Variants in CDK13 observed in about 807,000 individuals in gnomAD.
The protein encoded by CDK13 is cyclin dependent kinase 13.
A neutral mutation model predicts 137.6 loss-of-function variants in CDK13; 40 were observed. The observed-to-expected ratio is 0.29, with a 90% CI of 0.23 to 0.38. The LOEUF is 0.38. Ranked by LOEUF, CDK13 falls within the 10% of genes least tolerant of loss-of-function variation. The probability of loss-of-function intolerance (pLI) is 1.00; values close to 1 mark genes in which losing one functional copy is unlikely to be tolerated. For missense variants in CDK13, 1,704 were observed against 1,951.8 expected, an observed-to-expected ratio of 0.87 and a Z score of 2.39; for synonymous variants, 869 against 760.1, an observed-to-expected ratio of 1.14 and a Z score of -2.36.
intron 5 of CDK13, among the ~76,000 whole-genome samples, chr7:40,029,507 G>T (rs1181499175): frequency 6.6e-6 from 1 of 151,494 alleles, no homozygotes; most frequent in Non-Finnish European, 1.5e-5. Flanking sequence ...GGATCACAAG[G>T]TCAAGAGATT....
At chr7:39,973,778 G>A (rs1421985177) in intron 1 of CDK13, among the ~76,000 whole-genome samples, 1 of 152,176 alleles carries the variant, frequency 6.6e-6, no homozygotes, top group African/African-American at 2.4e-5. Context: ...AAAGGAAGAG[G>A]TCTAGCTTCA....
rs1349469992 is a variant in CDK13, at chr7:40,093,030, C to T, written c.3481C>T (p.Pro1161Ser). ...TTCGAAACCGTTGGGAGGAATTCAG[C>T]CTTCTTCTCAGACCATCCAGCCTAA... The part of the protein sequence containing the change: ...ESSKPLGGIQ[P>S]SSQTIQPKVE... Residue 1161 changes from proline to serine, a missense_variant, in exon 13 of 14, where the codon CCT becomes TCT. This residue lies in a region of CDK13 where 475 missense variants were observed against 579.3 expected (regional missense o/e 0.82). Transcript: ENST00000181839. 1.2e-6 allele frequency: 2 copies of T among 1,614,056 alleles called. No individual in the cohort carries two copies. The highest frequency in any genetic ancestry group is 2.2e-5 in the East Asian group (1 of 44,898).
At chr7:40,047,952 A>C (rs2150517146) in intron 7 of CDK13, 75 bp downstream of exon 7, 1 of 907,652 alleles carries the variant, frequency 1.1e-6, no homozygotes, top group Non-Finnish European at 1.8e-6. Flanking sequence ...TACCTTATTG[A>C]TAGTTTTATT....
At position 40,097,316 on chromosome 7, in the gene CDK13, A is replaced by C. The variant is rs183793343; in HGVS notation, c.*2336A>C. The C allele has an allele frequency of 3.4e-3, 518 of 152,154 alleles. 5 individuals carry two copies. The highest frequency in any genetic ancestry group is 0.012 in the African/African-American group (489 of 41,526). The allele number at this position is 152,154 out of a possible 1,614,324, so 9.4% of individuals were successfully genotyped here. A position where few individuals can be genotyped will look rare whatever the true frequency, so the allele number is the denominator to read the frequency against. ...CTTTTATATGTCACTTAGAAGAAAA[A>C]ATGTTGCCAATTAAGCCACAATACA... On this transcript the variant is annotated 3_prime_UTR_variant, in exon 14 of 14. Transcript: ENST00000181839.
intron 4 of CDK13, 90 bp from the exon 5 acceptor site, chr7:40,001,771 A>G: frequency 6.0e-6 from 5 of 837,366 alleles, no homozygotes; most frequent in Non-Finnish European, 9.9e-6. Flanking sequence ...AGAAATAAGA[A>G]CAGAATTGAA....
chr7:39,964,222 G>C (rs991508101), intron 1 of CDK13, among the ~76,000 whole-genome samples: 2 of 152,172 alleles, frequency 1.3e-5, no homozygotes, highest in Admixed American at 6.5e-5. Flanking sequence ...ACCTCTGGTA[G>C]AATTCAGCTG....
chr7:40,006,081 T>A (rs1432542246), intron 5 of CDK13, among the ~76,000 whole-genome samples: 1 of 152,204 alleles, frequency 6.6e-6, no homozygotes, highest in Non-Finnish European at 1.5e-5. Context: ...GATTCTGAAA[T>A]TTCCTCCTAA....
rs185981789 is a variant in CDK13, at chr7:39,999,657, G to T, written c.2182+157G>T. Among the ~76,000 whole-genome samples the T allele has an allele frequency of 3.9e-4, 59 of 152,234 alleles. 1 individual carries two copies. The South Asian group carries it at 0.012, about 30-fold the overall frequency. ...TTTTTTTATTCTATATATGCATTTT[G>T]TAAGATATGAGTACATGTAAGTGGG... On this transcript the variant is annotated intron_variant, in intron 4 of 13. Transcript: ENST00000181839.
In CDK13 at chr7:39,950,786, C is replaced by A; in HGVS notation, c.145C>A (p.Leu49Met). The A allele has an allele frequency of 3.4e-6, 5 of 1,469,224 alleles. No homozygotes were observed. The highest frequency in any genetic ancestry group is 4.5e-6 in the Non-Finnish European group (5 of 1,117,754). The allele number at this position is 1,469,224 out of a possible 1,614,324, so 91.0% of individuals were successfully genotyped here. The change falls in exon 1 of 14, where the codon CTG becomes ATG. Residue 49 changes from leucine (L) to methionine (M), a missense_variant. Transcript: ENST00000181839. ...LLLPLLQPQL[L>M]QPPPPPPPLL... ...GTTGCCGCTCCTGCAGCCGCAGCTCCTGCAACCGCCGCCGCCCCCGCCGCC... is the reference window on the plus strand; with the variant it reads ...GTTGCCGCTCCTGCAGCCGCAGCTCATGCAACCGCCGCCGCCCCCGCCGCC...
At chr7:39,988,292 A>G in intron 2 of CDK13, 34 bp downstream of exon 2, 6 of 1,521,844 alleles carry the variant, frequency 3.9e-6, no homozygotes, top group Non-Finnish European at 5.3e-6. Flanking sequence ...ATAACTGTTC[A>G]AAGAAAAAAT....
chr7:40,066,639 A>T (rs1786285793), intron 9 of CDK13: 1 of 152,244 alleles, frequency 6.6e-6, no homozygotes, highest in South Asian at 2.1e-4. Flanking sequence ...TAGAAAAGTT[A>T]TAAAAATCCA....
intron 5 of CDK13, among the ~76,000 whole-genome samples, chr7:40,009,393 A>T (rs570733358): frequency 6.6e-6 from 1 of 152,336 alleles, no homozygotes; most frequent in East Asian, 1.9e-4. Flanking sequence ...GCCACTATTC[A>T]TATGCCTTTA....
rs149652335 is a variant in CDK13 at position 40,080,948 on chromosome 7, G to A, written c.3029+2097G>A. ...AAATTTAACATGAGAATATTTAATG[G>A]TCAATCCACATTCAGATTTCCCCAG... On this transcript the variant is annotated intron_variant, in intron 11 of 13. Transcript: ENST00000181839. 2.6e-4 allele frequency among the ~76,000 whole-genome samples: 39 copies of A among 152,066 alleles called. No individual in the cohort carries two copies. In the East Asian group the frequency reaches 6.6e-3, roughly 26 times the overall value.
chr7:39,959,761 G>A (rs1787549027), intron 1 of CDK13, among the ~76,000 whole-genome samples: 1 of 151,230 alleles, frequency 6.6e-6, no homozygotes, highest in South Asian at 2.1e-4. Context: ...CACTGCACCT[G>A]GCCAGATGTT....
At chr7:40,038,211 A>G (rs1785527870) in intron 5 of CDK13, among the ~76,000 whole-genome samples, 1 of 152,100 alleles carries the variant, frequency 6.6e-6, no homozygotes, top group South Asian at 2.1e-4. Flanking sequence ...TTATATATAA[A>G]AAAAGGTAGC....
intron 1 of CDK13, among the ~76,000 whole-genome samples, chr7:39,958,655 T>C (rs1481435014): frequency 6.6e-6 from 1 of 152,192 alleles, no homozygotes; most frequent in Non-Finnish European, 1.5e-5. Flanking sequence ...ATAGCATAAA[T>C]TGTTTGGCTG....
intron 7 of CDK13, among the ~76,000 whole-genome samples, chr7:40,054,530 A>C (rs1331494910): frequency 7.2e-5 from 11 of 151,838 alleles, no homozygotes; most frequent in Non-Finnish European, 1.5e-5. Context: ...TCCTGAGTTC[A>C]AGCGATTCTC....
chr7:39,959,675 G>A (rs960505429), intron 1 of CDK13, among the ~76,000 whole-genome samples: 9 of 152,046 alleles, frequency 5.9e-5, no homozygotes, highest in African/African-American at 2.2e-4. Flanking sequence ...GTGTTGCCAA[G>A]GCTGGTCTCG....
At chr7:40,013,065 A>G (rs186201505) in intron 5 of CDK13, among the ~76,000 whole-genome samples, 2 of 152,302 alleles carry the variant, frequency 1.3e-5, no homozygotes, top group East Asian at 3.9e-4. Context: ...ACCTACAATT[A>G]AGTACTGTTA....
Sources: gnomAD v4.1 joint callset for allele counts (sites outside exome capture counted in the v4.1 genomes callset) on GRCh38, gnomAD v4.1.1 for gene constraint, gnomAD v4.1.1 regional missense constraint, MANE v1.5 for transcripts, NCBI Gene and HGNC (gene_info 2026-07-23, HGNC 2026-07-21) for gene names.